Variants in DDX21 observed in about 807,000 individuals in gnomAD.
DDX21 encodes DExD-box helicase 21.
Under a neutral mutation model 90.0 loss-of-function variants are expected in DDX21, and 18 were observed. The observed-to-expected ratio is 0.20, with a 90% CI of 0.14 to 0.30. The LOEUF (loss-of-function observed/expected upper bound fraction) is 0.30, where lower values mean the gene tolerates loss of function less well. Ranked by LOEUF, DDX21 falls within the 10% of genes least tolerant of loss-of-function variation. The pLI is 1.00. For missense variants in DDX21, 673 were observed against 944.5 expected, an observed-to-expected ratio of 0.71 and a Z score of 3.77; for synonymous variants, 294 against 318.0, an observed-to-expected ratio of 0.92 and a Z score of 0.80.
rs934297988 is a variant in DDX21, at chr10:68,956,776, C to T, written c.87+464C>T. ...GGGTACTGGAGGCCGGGTGCGGTGG[C>T]TCACGCCTGTAATCCCAACACTTTG... On this transcript the variant is annotated intron_variant, in intron 1 of 14. Coordinates refer to ENST00000354185, the MANE Select transcript of DDX21 (RefSeq NM_004728.4). 64 of 1,001,938 alleles carry T rather than the reference C, an allele frequency of 6.4e-5. No homozygotes were observed. The African/African-American group carries it at 1.1e-3, about 17-fold the overall frequency. The allele number at this position is 1,001,938 out of a possible 1,614,324, so 62.1% of individuals were successfully genotyped here.
chr10:68,972,295 G>T (rs1589287073), intron 9 of DDX21, among the ~76,000 whole-genome samples: 1 of 152,206 alleles, frequency 6.6e-6, no homozygotes, highest in African/African-American at 2.4e-5. Flanking sequence ...TGTGATTTTT[G>T]AGCCAAACCT....
chr10:68,964,174 A>C lies in DDX21; in HGVS notation c.786+705A>C, dbSNP rs146955893. The C allele has an allele frequency of 9.3e-4, 373 of 402,844 alleles. 2 individuals carry two copies. Among genetic ancestry groups the C allele is most frequent in the African/African-American group, 7.6e-3 (352 of 46,548 alleles). The allele number at this position is 402,844 out of a possible 1,614,324, so 25.0% of individuals were successfully genotyped here. ...TCAGAGGTGAAAACGCCAAGCCCCCATATTAGGGTGAGTCCATTGGGTTCA... is the reference window on the plus strand; with the variant it reads ...TCAGAGGTGAAAACGCCAAGCCCCCCTATTAGGGTGAGTCCATTGGGTTCA... On this transcript the variant is annotated intron_variant, in intron 4 of 14. Coordinates refer to ENST00000354185, the MANE Select transcript of DDX21 (RefSeq NM_004728.4).
rs1166303363 is a variant in DDX21 at position 68,967,001 on chromosome 10, G to T, written c.905-17G>T. 9 of 1,601,432 alleles carry T rather than the reference G, an allele frequency of 5.6e-6. No homozygotes were observed. Among genetic ancestry groups the T allele is most frequent in the Non-Finnish European group, 7.7e-6 (9 of 1,171,698 alleles). On this transcript the variant is annotated splice_polypyrimidine_tract_variant and intron_variant, in intron 5 of 14. Coordinates refer to ENST00000354185, the MANE Select transcript of DDX21 (RefSeq NM_004728.4). ...ACTTACTAAAAACCCAGCAAATCTTGTCATTGTTTTTTATAGTTGAACGCA... is the reference window on the plus strand; with the variant it reads ...ACTTACTAAAAACCCAGCAAATCTTTTCATTGTTTTTTATAGTTGAACGCA...
chr10:68,977,750 G>C, intron 12 of DDX21, 62 bp downstream of exon 12: 3 of 1,463,332 alleles, frequency 2.1e-6, no homozygotes, highest in Non-Finnish European at 2.8e-6. Flanking sequence ...GATATGAAAG[G>C]GTTTCATTTA....
Position 68,956,321 on chromosome 10 carries a change from G to C in DDX21, c.87+9G>C. The C allele has an allele frequency of 6.2e-7, 1 of 1,614,094 alleles. No individual in the cohort carries two copies. The highest frequency in any genetic ancestry group is 1.6e-4 in the Middle Eastern group (1 of 6,062). ...GAAAGCAAACCGAGGAGGTGAAACG[G>C]AGGGACCTGGGGCCAGGAGGGACGC... On this transcript the variant is annotated intron_variant, in intron 1 of 14. Coordinates refer to ENST00000354185, the MANE Select transcript of DDX21 (RefSeq NM_004728.4).
chr10:68,972,958 A>G (rs1843047574), intron 9 of DDX21, among the ~76,000 whole-genome samples: 1 of 152,092 alleles, frequency 6.6e-6, no homozygotes, highest in African/African-American at 2.4e-5. Flanking sequence ...GCTGAGGCAA[A>G]CGAATCACTT....
In DDX21 at chr10:68,971,874, C is replaced by T. The variant is rs1843032480; in HGVS notation, c.1387-17C>T. ...TTGTTGGAACTGGTGTTCTTACATC[C>T]GTTTATTTATTGGCAGGATGCTCAG... On this transcript the variant is annotated splice_polypyrimidine_tract_variant and intron_variant, in intron 8 of 14. Coordinates refer to ENST00000354185, the MANE Select transcript of DDX21 (RefSeq NM_004728.4). The T allele has an allele frequency of 1.2e-6, 2 of 1,610,272 alleles. No individual in the cohort carries two copies. Among genetic ancestry groups the T allele is most frequent in the Non-Finnish European group, 8.5e-7 (1 of 1,177,248 alleles).
intron 8 of DDX21, 89 bp from the exon 9 acceptor site, chr10:68,971,802 T>C: frequency 7.5e-7 from 1 of 1,340,578 alleles, no homozygotes; most frequent in Non-Finnish European, 1.0e-6. Context: ...CACCAAAATA[T>C]GAATGTCTTT....
chr10:68,980,832 C>CAAAAAAAAA lies in DDX21; in HGVS notation c.2038-693_2038-685dup, dbSNP rs11340675. ...TAATGTAGTGAGACCCTGTCTCTAC[C>CAAAAAAAAA]AAAAAAAAAAAAAAAAAAAAGCCAG... On this transcript the variant is annotated intron_variant, in intron 13 of 14. Coordinates refer to ENST00000354185, the MANE Select transcript of DDX21 (RefSeq NM_004728.4). 2.0e-5 allele frequency among the ~76,000 whole-genome samples: 2 copies of CAAAAAAAAA among 99,646 alleles called. 1 individual carries two copies. The highest frequency in any genetic ancestry group is 7.0e-5 in the African/African-American group (2 of 28,686). 65.4% of individuals were successfully genotyped at this position (99,646 alleles called of 152,430 possible).
At chr10:68,959,719 A>T in intron 1 of DDX21, 87 bp from the exon 2 acceptor site, 3 of 1,016,720 alleles carry the variant, frequency 3.0e-6, no homozygotes, top group Non-Finnish European at 4.1e-6. Context: ...GTTGAAAATG[A>T]TCTTGAAATA....
chr10:68,973,737 T>C, intron 10 of DDX21, 73 bp downstream of exon 10: 1 of 1,537,604 alleles, frequency 6.5e-7, no homozygotes, highest in Non-Finnish European at 8.8e-7. Flanking sequence ...TCAATTTTTA[T>C]CCACTTTAAA....
chr10:68,965,508 A>G lies in DDX21; in HGVS notation c.904+14A>G. On this transcript the variant is annotated intron_variant, in intron 5 of 14. Coordinates refer to ENST00000354185, the MANE Select transcript of DDX21 (RefSeq NM_004728.4). ...ATGGAGGTCAATGTGAGTACATTCA[A>G]AAAGTGAGGGAGGTATAATGCCACC... 1 of 1,589,008 alleles carries G rather than the reference A, an allele frequency of 6.3e-7. No individual in the cohort carries two copies.
rs147861232 is a variant in DDX21, at chr10:68,960,044, C to T, written c.326C>T (p.Ser109Phe). The stretch of plus-strand genomic sequence containing the variant: ...CCCATTGAAAAGAAAGTGGTTTCTT[C>T]TAAAACCAAAAAAGTGACAAAAAAT... Reference protein sequence around the residue: ...KEPIEKKVVSSKTKKVTKNEE... With the variant: ...KEPIEKKVVSFKTKKVTKNEE... Residue 109 changes from serine (S) to phenylalanine (F), a missense_variant, in exon 2 of 15, where the codon TCT becomes TTT. Physicochemically the swap from Ser to Phe is radical, Grantham distance 155. Transcript: ENST00000354185. 4 of 1,604,404 alleles carry T rather than the reference C, an allele frequency of 2.5e-6. No individual in the cohort carries two copies. Among genetic ancestry groups the T allele is most frequent in the Middle Eastern group, 3.3e-4 (2 of 6,004 alleles).
At chr10:68,969,368 C>T (rs1433912846) in intron 7 of DDX21, among the ~76,000 whole-genome samples, 2 of 152,208 alleles carry the variant, frequency 1.3e-5, no homozygotes, top group Non-Finnish European at 2.9e-5. Context: ...CAACCTCCAC[C>T]TCCCAGGTTC....
intron 3 of DDX21, among the ~76,000 whole-genome samples, 185 bp from the exon 4 acceptor site, chr10:68,963,106 C>T (rs1683949094): frequency 1.3e-5 from 2 of 152,054 alleles, no homozygotes; most frequent in South Asian, 2.1e-4. Context: ...CCAGCATGGG[C>T]GACAAAGCAA....
chr10:68,956,381 G>T lies in DDX21; in HGVS notation c.87+69G>T, dbSNP rs1283490561. The T allele has an allele frequency of 6.2e-6, 10 of 1,601,456 alleles. No homozygotes were observed. In the African/African-American group the frequency reaches 9.4e-5, roughly 15 times the overall value. Reference sequence around the variant, plus strand: ...CGGAACCCCGGGGTGCGGGAGAAGTGCCCGGGCTGGGATCGTGGGAGCGCG... The same window carrying T: ...CGGAACCCCGGGGTGCGGGAGAAGTTCCCGGGCTGGGATCGTGGGAGCGCG... On this transcript the variant is annotated intron_variant, in intron 1 of 14. Coordinates refer to ENST00000354185, the MANE Select transcript of DDX21 (RefSeq NM_004728.4).
chr10:68,978,908 C>T lies in DDX21; in HGVS notation c.1969C>T (p.Leu657Phe). 1 of 1,614,192 alleles carries T rather than the reference C, an allele frequency of 6.2e-7. No individual in the cohort carries two copies. Among genetic ancestry groups the T allele is most frequent in the Middle Eastern group, 1.6e-4 (1 of 6,062 alleles). The change falls in exon 13 of 15, where the codon CTT becomes TTT. Residue 657 changes from leucine to phenylalanine, a missense_variant. This residue lies in a region of DDX21 where 225 missense variants were observed against 298.8 expected (regional missense o/e 0.75). Coordinates refer to ENST00000354185, the MANE Select transcript of DDX21 (RefSeq NM_004728.4). ...AAATATTAGTTATGCTTGGAAAGAA[C>T]TTAAAGAGCAGCTGGGCGAGGAGAT... ...MPNISYAWKE[L>F]KEQLGEEIDS...
chr10:68,979,079 ACTCT>A, intron 13 of DDX21, 103 bp downstream of exon 13: 5 of 1,484,692 alleles, frequency 3.4e-6, no homozygotes, highest in Non-Finnish European at 4.6e-6. Flanking sequence ...GCATCTCTTC[ACTCT>A]CTCATCTTCC....
rs1843231112 is a variant in DDX21 at position 68,983,893 on chromosome 10, G to A, written c.*1081G>A. ...CAAGTGGGCAAGCTGGGGTTTTTAG[G>A]TAGTCAGTGGCCTAGTTCCTAAAGC... On this transcript the variant is annotated 3_prime_UTR_variant, in exon 15 of 15. Transcript: ENST00000354185. 6.6e-6 allele frequency: 1 copy of A among 152,162 alleles called. No individual in the cohort carries two copies. The highest frequency in any genetic ancestry group is 2.1e-4 in the South Asian group (1 of 4,828). The allele number at this position is 152,162 out of a possible 1,614,324, so 9.4% of individuals were successfully genotyped here. A position where few individuals can be genotyped will look rare whatever the true frequency, so the allele number is the denominator to read the frequency against.
Sources: gnomAD v4.1 joint callset for allele counts (sites outside exome capture counted in the v4.1 genomes callset) on GRCh38, gnomAD v4.1.1 for gene constraint, gnomAD v4.1.1 regional missense constraint, MANE v1.5 for transcripts, NCBI Gene and HGNC (gene_info 2026-07-23, HGNC 2026-07-21) for gene names.